Variants in NEXMIF observed in about 807,000 individuals in gnomAD.
The protein encoded by NEXMIF is XLMR protein related to neurite extension.
A neutral mutation model predicts 62.1 loss-of-function variants in NEXMIF; 8 were observed. The ratio of observed to expected loss-of-function variants is 0.13; its 90% CI spans 0.08 to 0.23. NEXMIF has a LOEUF of 0.23. Among genes scored for constraint, NEXMIF ranks in the 10% least tolerant of loss-of-function variants. NEXMIF has a pLI of 1.00. For synonymous variants in NEXMIF, 404 were observed against 416.6 expected (o/e 0.97, Z 0.37); for missense variants, 976 against 1,113.3 (o/e 0.88, Z 1.75).
chrX:74,862,654 A>T (rs2080562196), intron 1 of NEXMIF, among the ~76,000 whole-genome samples: 1 of 111,973 alleles, frequency 8.9e-6, no homozygotes, highest in African/African-American at 3.2e-5. Context: ...ACCACAGCAC[A>T]ATCAAATTAG....
At chrX:74,865,996 T>C (rs1602255987) in intron 1 of NEXMIF, among the ~76,000 whole-genome samples, 1 of 111,175 alleles carries the variant, frequency 9.0e-6, no homozygotes, top group African/African-American at 3.3e-5. Context: ...ACACAGAATC[T>C]CCACTGGGGC....
At chrX:74,791,182 G>A (rs371863980) in intron 1 of NEXMIF, among the ~76,000 whole-genome samples, 8 of 111,502 alleles carry the variant, frequency 7.2e-5, no homozygotes, top group Non-Finnish European at 1.1e-4. Flanking sequence ...AGTTTTTAGC[G>A]TGAATGGTTG....
At chrX:74,750,649 C>T (rs914525406) in intron 1 of NEXMIF, among the ~76,000 whole-genome samples, 1 of 111,710 alleles carries the variant, frequency 9.0e-6, no homozygotes, top group Non-Finnish European at 1.9e-5. Context: ...TAATGGATGG[C>T]AGAATCAGCA....
intron 1 of NEXMIF, among the ~76,000 whole-genome samples, chrX:74,758,985 T>C (rs1377221986): frequency 8.9e-6 from 1 of 112,466 alleles, no homozygotes; most frequent in Non-Finnish European, 1.9e-5. Context: ...CCACCTACTT[T>C]TCACATTGGT....
At chrX:74,824,054 C>T (rs755105871) in intron 1 of NEXMIF, among the ~76,000 whole-genome samples, 1 of 111,226 alleles carries the variant, frequency 9.0e-6, no homozygotes, top group Non-Finnish European at 1.9e-5. Context: ...TCATACCATT[C>T]AAGTCTCAGG....
chrX:74,787,585 TC>T (rs1440744206), intron 1 of NEXMIF, among the ~76,000 whole-genome samples: 3 of 111,948 alleles, frequency 2.7e-5, no homozygotes, highest in African/African-American at 9.7e-5. Context: ...AAGCCTTACT[TC>T]TTACATACAG....
chrX:74,920,725 G>A (rs1416193330), intron 1 of NEXMIF, among the ~76,000 whole-genome samples: 1 of 111,912 alleles, frequency 8.9e-6, no homozygotes, highest in Non-Finnish European at 1.9e-5. Context: ...GAATGGTAAT[G>A]CCTAGGTTTT....
chrX:74,897,615 T>A (rs1185514712), intron 1 of NEXMIF, among the ~76,000 whole-genome samples: 1 of 110,113 alleles, frequency 9.1e-6, no homozygotes, highest in East Asian at 2.9e-4. Context: ...GCTAGATGAG[T>A]AAGGGGTCAA....
At chrX:74,860,458 C>A (rs1395491330) in intron 1 of NEXMIF, among the ~76,000 whole-genome samples, 2 of 112,038 alleles carry the variant, frequency 1.8e-5, no homozygotes, top group East Asian at 2.8e-4. Context: ...AATATATATT[C>A]TTTTCTTCAG....
chrX:74,814,630 A>G (rs2080370311), intron 1 of NEXMIF, among the ~76,000 whole-genome samples: 1 of 112,302 alleles, frequency 8.9e-6, no homozygotes, highest in South Asian at 3.7e-4. Flanking sequence ...TTTGACAACA[A>G]TATAAGGAAG....
At chrX:74,850,545 G>T (rs923900363) in intron 1 of NEXMIF, among the ~76,000 whole-genome samples, 1 of 112,042 alleles carries the variant, frequency 8.9e-6, no homozygotes, top group African/African-American at 3.2e-5. Flanking sequence ...GCCCAGCAAA[G>T]CTTCACCACA....
intron 1 of NEXMIF, among the ~76,000 whole-genome samples, chrX:74,815,663 C>G (rs2147476743): frequency 1.0e-5 from 1 of 99,149 alleles, no homozygotes; most frequent in Non-Finnish European, 2.0e-5. Flanking sequence ...GAGATGGAGT[C>G]TCGCTCTGTC....
intron 1 of NEXMIF, among the ~76,000 whole-genome samples, chrX:74,836,418 C>G (rs1007915353): frequency 8.9e-6 from 1 of 112,199 alleles, no homozygotes; most frequent in Non-Finnish European, 1.9e-5. Flanking sequence ...GTGGTCAGAA[C>G]GTCTTAGAAC....
intron 1 of NEXMIF, among the ~76,000 whole-genome samples, chrX:74,861,298 CAG>C (rs1326032975): frequency 1.8e-5 from 2 of 111,442 alleles, no homozygotes; most frequent in Admixed American, 1.9e-4. Flanking sequence ...TTAGAAGAAA[CAG>C]AATAACAAGG....
chrX:74,884,409 T>G (rs1241335178), intron 1 of NEXMIF, among the ~76,000 whole-genome samples: 2 of 111,394 alleles, frequency 1.8e-5, no homozygotes, highest in East Asian at 2.8e-4. Flanking sequence ...CCATCTCACG[T>G]GCAGAGACAC....
chrX:74,789,701 T>G (rs1287257607), intron 1 of NEXMIF, among the ~76,000 whole-genome samples: 1 of 110,758 alleles, frequency 9.0e-6, no homozygotes, highest in Non-Finnish European at 1.9e-5. Context: ...ATTGTGGTTT[T>G]GATTTACATT....
At chrX:74,778,847 GA>G (rs1298416299) in intron 1 of NEXMIF, among the ~76,000 whole-genome samples, 4 of 111,783 alleles carry the variant, frequency 3.6e-5, no homozygotes, top group Non-Finnish European at 7.5e-5. Flanking sequence ...GGCTGGTTTT[GA>G]ACCCCTGACC....
chrX:74,854,036 C>A (rs935887305), intron 1 of NEXMIF, among the ~76,000 whole-genome samples: 2 of 111,871 alleles, frequency 1.8e-5, no homozygotes, highest in Non-Finnish European at 3.8e-5. Context: ...TCAAACTATT[C>A]AAAAAAATTG....
intron 1 of NEXMIF, among the ~76,000 whole-genome samples, chrX:74,750,994 G>A (rs886787089): frequency 9.0e-6 from 1 of 111,547 alleles, no homozygotes; most frequent in African/African-American, 3.3e-5. Flanking sequence ...TTGGGAGGCT[G>A]AGGTGGGCGA....
Sources: allele counts gnomAD v4.1 joint callset (sites outside exome capture counted in the v4.1 genomes callset), GRCh38; gene constraint gnomAD v4.1.1; transcripts MANE v1.5; gene names NCBI Gene and HGNC (gene_info 2026-07-23, HGNC 2026-07-21).